Variants in LYRM4 observed in about 807,000 individuals in gnomAD.
The protein encoded by LYRM4 is LYR motif containing 4.
A neutral mutation model predicts 11.7 loss-of-function variants in LYRM4; 9 were observed. The ratio of observed to expected loss-of-function variants is 0.77; its 90% CI spans 0.46 to 1.34. The LOEUF (loss-of-function observed/expected upper bound fraction) is 1.34, where lower values mean the gene tolerates loss of function less well. Among genes scored for constraint, LYRM4 ranks in the 40% most tolerant of loss-of-function variants. The pLI, the probability that LYRM4 is intolerant of heterozygous loss-of-function variation, is 0.00. For missense variants in LYRM4, 133 were observed against 112.5 expected, an observed-to-expected ratio of 1.18 and a Z score of -0.82; for synonymous variants, 42 against 40.4, an observed-to-expected ratio of 1.04 and a Z score of -0.15.
intron 2 of LYRM4, among the ~76,000 whole-genome samples, chr6:5,128,430 T>G (rs1581333235): frequency 6.6e-6 from 1 of 152,244 alleles, no homozygotes; most frequent in East Asian, 1.9e-4. Flanking sequence ...CAGGAGTAAA[T>G]GGAACTACTG....
At chr6:5,099,885 A>C (rs1200053545), downstream of LYRM4, among the ~76,000 whole-genome samples, 2 of 152,228 alleles carry the variant, frequency 1.3e-5, no homozygotes, top group African/African-American at 4.8e-5. This position sits in a 1 kb window ranked among gnomAD's most constrained non-coding sequence, Gnocchi z 4.3. Context: ...CATCAAACAA[A>C]TACACACACA....
the LYRM4 span, among the ~76,000 whole-genome samples, chr6:5,044,289 C>T: frequency 2.6e-5 from 4 of 152,102 alleles, no homozygotes; most frequent in African/African-American, 9.7e-5. Context: ...CACCACCACG[C>T]CTGGTTAATT....
chr6:5,184,014 A>T (rs147507570), intron 2 of LYRM4, among the ~76,000 whole-genome samples: 608 of 152,356 alleles, frequency 4.0e-3, no homozygotes, highest in Non-Finnish European at 5.5e-3. Flanking sequence ...ATCATGTTGC[A>T]CACCATAAAT....
intron 2 of LYRM4, among the ~76,000 whole-genome samples, chr6:5,191,703 T>G (rs1760764513): frequency 6.6e-6 from 1 of 152,218 alleles, no homozygotes; most frequent in Non-Finnish European, 1.5e-5. Flanking sequence ...TTAATGGGTC[T>G]GAAAACCACT....
intron 1 of LYRM4, among the ~76,000 whole-genome samples, chr6:5,251,709 G>C (rs1401380861): frequency 6.6e-6 from 1 of 152,198 alleles, no homozygotes; most frequent in Non-Finnish European, 1.5e-5. Context: ...TTCAGCATGA[G>C]ATCTGGGTGG....
the LYRM4 span, among the ~76,000 whole-genome samples, chr6:5,057,706 C>T: frequency 6.7e-6 from 1 of 148,768 alleles, no homozygotes; most frequent in Non-Finnish European, 1.5e-5. Flanking sequence ...CAGAGCGAGA[C>T]TCCATCTAAA....
intron 2 of LYRM4, among the ~76,000 whole-genome samples, chr6:5,185,951 A>G (rs1200256278): frequency 6.6e-6 from 1 of 152,148 alleles, no homozygotes; most frequent in Non-Finnish European, 1.5e-5. Flanking sequence ...GAGGGCTGGG[A>G]GAGCCTCCTG....
chr6:5,183,911 G>A (rs1256041795), intron 2 of LYRM4, among the ~76,000 whole-genome samples: 7 of 152,176 alleles, frequency 4.6e-5, no homozygotes, highest in Admixed American at 6.5e-5. Context: ...AGTGGACCTC[G>A]AATGTTCTCA....
chr6:5,172,657 TTTTG>T (rs1247284252), intron 2 of LYRM4, among the ~76,000 whole-genome samples: 3 of 152,172 alleles, frequency 2.0e-5, no homozygotes, highest in East Asian at 1.9e-4. Flanking sequence ...ACAGACACTG[TTTTG>T]TTTATCACAC....
At chr6:5,253,616 G>C (rs928935470) in intron 1 of LYRM4, among the ~76,000 whole-genome samples, 1 of 152,178 alleles carries the variant, frequency 6.6e-6, no homozygotes, top group East Asian at 1.9e-4. Context: ...GGTGGTTCAA[G>C]AAGTTTTGCA....
the LYRM4 span, among the ~76,000 whole-genome samples, chr6:5,083,907 C>T: frequency 6.6e-6 from 1 of 152,154 alleles, no homozygotes; most frequent in Non-Finnish European, 1.5e-5. Context: ...AAATACGGTC[C>T]CCAGAGCCCA....
chr6:5,252,893 A>G (rs557243634), intron 1 of LYRM4, among the ~76,000 whole-genome samples: 60 of 152,162 alleles, frequency 3.9e-4, no homozygotes, highest in Non-Finnish European at 7.5e-4. Flanking sequence ...TGGCAGCTAC[A>G]TACCTCTAGA....
chr6:5,211,454 T>C (rs959764288), intron 2 of LYRM4, among the ~76,000 whole-genome samples: 1 of 152,140 alleles, frequency 6.6e-6, no homozygotes, highest in Non-Finnish European at 1.5e-5. Context: ...AAAAAAAAAG[T>C]GTAAGCTAAG....
chr6:5,070,206 C>T, the LYRM4 span, among the ~76,000 whole-genome samples: 1 of 152,154 alleles, frequency 6.6e-6, no homozygotes, highest in Non-Finnish European at 1.5e-5. Flanking sequence ...TCAGACCAAG[C>T]CTCCAAAGCC....
At chr6:5,110,368 G>C (rs962389684) in intron 2 of LYRM4, among the ~76,000 whole-genome samples, 27 of 139,036 alleles carry the variant, frequency 1.9e-4, no homozygotes, top group African/African-American at 6.9e-4. Context: ...GCTCTATTTC[G>C]AAGTGAAGGC....
At chr6:5,074,388 G>C in the LYRM4 span, among the ~76,000 whole-genome samples, 2 of 137,836 alleles carry the variant, frequency 1.5e-5, no homozygotes, top group Non-Finnish European at 3.1e-5. Flanking sequence ...GGGGAGAGAA[G>C]CACAGGTACT....
the LYRM4 span, chr6:5,042,511 C>G: frequency 6.6e-6 from 1 of 152,578 alleles, no homozygotes; most frequent in Non-Finnish European, 1.5e-5. Flanking sequence ...TCTAGGCTAC[C>G]CATGGGGACC....
the LYRM4 span, among the ~76,000 whole-genome samples, chr6:5,057,400 G>T: frequency 6.6e-6 from 1 of 152,168 alleles, no homozygotes; most frequent in African/African-American, 2.4e-5. Flanking sequence ...GACACCAAGG[G>T]ACTCTAGCTT....
chr6:5,225,601 G>A (rs1762841103), intron 1 of LYRM4, among the ~76,000 whole-genome samples: 1 of 152,138 alleles, frequency 6.6e-6, no homozygotes, highest in African/African-American at 2.4e-5. Context: ...ATTCATTTAG[G>A]TAGCCGTTTA....
Sources: gnomAD v4.1 joint callset for allele counts (sites outside exome capture counted in the v4.1 genomes callset) on GRCh38, gnomAD v4.1.1 for gene constraint, Gnocchi (gnomAD v3.1) non-coding constraint, MANE v1.5 for transcripts, NCBI Gene and HGNC (gene_info 2026-07-23, HGNC 2026-07-21) for gene names.